The following NRG3 variants were observed in gnomAD, a reference collection of about 807,000 sequenced individuals.
NRG3 encodes neuregulin 3.
NRG3 carries 31 observed loss-of-function variants against 66.9 expected under a neutral mutation model. That is an observed-to-expected ratio of 0.46 (90% CI 0.35 to 0.63). NRG3 has a LOEUF of 0.63. Ranked by LOEUF, NRG3 falls within the 20% of genes least tolerant of loss-of-function variation. The pLI, the probability that NRG3 is intolerant of heterozygous loss-of-function variation, is 0.00. For missense variants in NRG3, 910 were observed against 878.9 expected (o/e 1.04, Z -0.45); for synonymous variants, 393 against 359.4 (o/e 1.09, Z -1.06).
At position 82,985,119 on chromosome 10, in the gene NRG3, A is replaced by G. The variant is rs1372851113; in HGVS notation, c.1605A>G (p.Lys535=). The change falls in exon 9 of 9, where the codon AAA becomes AAG. Residue 535 remains lysine, a synonymous_variant. Coordinates refer to ENST00000372141, the MANE Select transcript of NRG3 (RefSeq NM_001010848.4). ...PCQGYSSSGL[K]TQRNTSINMQ... ...TCAGGTATTCATCCAGTGGTTTAAA[A>G]ACCCAACGAAATACATCAATAAATA... 1 of 1,613,712 alleles carries G rather than the reference A, an allele frequency of 6.2e-7. No individual in the cohort carries two copies. Among genetic ancestry groups the G allele is most frequent in the Non-Finnish European group, 8.5e-7 (1 of 1,179,870 alleles).
At position 82,244,680 on chromosome 10, in the gene NRG3, G is replaced by C. The variant is rs529933300; in HGVS notation, c.824-114059G>C. On this transcript the variant is annotated intron_variant, in intron 1 of 8. Transcript: ENST00000372141. ...GGGTAACAATTTTTTCACAGGCCAG[G>C]GGGTACTGAGAGCGGGGGATGGTTT... 1.1e-3 allele frequency among the ~76,000 whole-genome samples: 160 copies of C among 151,990 alleles called. 2 individuals carry two copies. The highest frequency in any genetic ancestry group is 3.8e-3 in the African/African-American group (157 of 41,456).
intron 1 of NRG3, among the ~76,000 whole-genome samples, chr10:82,272,005 T>A (rs1457662387): frequency 6.6e-6 from 1 of 152,092 alleles, no homozygotes; most frequent in Non-Finnish European, 1.5e-5. Context: ...AACCTACTAT[T>A]CTACTGGAGA....
At chr10:82,650,286 G>A (rs957905051) in intron 2 of NRG3, among the ~76,000 whole-genome samples, 25 of 152,032 alleles carry the variant, frequency 1.6e-4, no homozygotes, top group Admixed American at 1.6e-3. Flanking sequence ...ATTTTCCTAG[G>A]CTGCTATTCA....
At chr10:82,300,326 T>C (rs929001794) in intron 1 of NRG3, among the ~76,000 whole-genome samples, 10 of 152,294 alleles carry the variant, frequency 6.6e-5, no homozygotes, top group Non-Finnish European at 1.2e-4. Context: ...GCTAAAGTGA[T>C]TAATAGATGA....
intron 2 of NRG3, among the ~76,000 whole-genome samples, chr10:82,431,665 G>T (rs577415296): frequency 6.6e-6 from 1 of 151,956 alleles, no homozygotes; most frequent in African/African-American, 2.4e-5. Context: ...TATAAAAGGG[G>T]TTAATTTTTG....
chr10:82,102,213 A>T (rs2132128439), intron 1 of NRG3, among the ~76,000 whole-genome samples: 1 of 144,178 alleles, frequency 6.9e-6, no homozygotes, highest in African/African-American at 2.6e-5. Flanking sequence ...TTCATCAAGT[A>T]ATGGTCCTCA....
intron 4 of NRG3, among the ~76,000 whole-genome samples, chr10:82,892,311 G>C (rs1468722090): frequency 2.0e-5 from 3 of 151,998 alleles, no homozygotes; most frequent in Non-Finnish European, 4.4e-5. Context: ...AGAAATGAAA[G>C]AGGCAAGAGG....
chr10:82,521,852 A>G lies in NRG3; in HGVS notation c.953+162984A>G, dbSNP rs570676603. ...TCCTAAATTCTTTGTTGTCACTTCAACAATGGTCACAGAGTCTTCACCAGA... is the reference window on the plus strand; with the variant it reads ...TCCTAAATTCTTTGTTGTCACTTCAGCAATGGTCACAGAGTCTTCACCAGA... On this transcript the variant is annotated intron_variant, in intron 2 of 8. Coordinates refer to ENST00000372141, the MANE Select transcript of NRG3 (RefSeq NM_001010848.4). Among the ~76,000 whole-genome samples, 5 of 152,112 alleles carry G rather than the reference A, an allele frequency of 3.3e-5. No homozygotes were observed. In the East Asian group the frequency reaches 9.7e-4, roughly 30 times the overall value.
At chr10:82,408,487 G>A (rs2087794601) in intron 2 of NRG3, among the ~76,000 whole-genome samples, 1 of 151,968 alleles carries the variant, frequency 6.6e-6, no homozygotes, top group Non-Finnish European at 1.5e-5. Context: ...TTTAGCACAA[G>A]AAGTATCTTT....
intron 6 of NRG3, among the ~76,000 whole-genome samples, chr10:82,964,236 A>G (rs1344203289): frequency 1.3e-5 from 2 of 152,216 alleles, no homozygotes; most frequent in African/African-American, 2.4e-5. Flanking sequence ...GCGAGTGATC[A>G]ATATAAATCA....
At chr10:82,442,676 C>G (rs113098186) in intron 2 of NRG3, among the ~76,000 whole-genome samples, 271 of 151,140 alleles carry the variant, frequency 1.8e-3, no homozygotes, top group African/African-American at 6.1e-3. Flanking sequence ...GAAAAATAGT[C>G]AGAGTCTACA....
intron 1 of NRG3, among the ~76,000 whole-genome samples, chr10:82,058,008 A>T (rs945777901): frequency 2.0e-5 from 3 of 151,494 alleles, no homozygotes; most frequent in African/African-American, 7.3e-5. Flanking sequence ...CCTTCTAAAG[A>T]ATTCCCTTAC....
At chr10:82,838,240 A>G (rs1371569849) in intron 3 of NRG3, among the ~76,000 whole-genome samples, 1 of 152,178 alleles carries the variant, frequency 6.6e-6, no homozygotes, top group Non-Finnish European at 1.5e-5. Flanking sequence ...ACAGATTATA[A>G]GTCAACTCTG....
chr10:82,247,263 A>T (rs1251949685), intron 1 of NRG3, among the ~76,000 whole-genome samples: 1 of 152,214 alleles, frequency 6.6e-6, no homozygotes, highest in Non-Finnish European at 1.5e-5. Context: ...TGGGTAGCTC[A>T]TAACAAATAA....
At chr10:82,340,530 G>C (rs2082632370) in intron 1 of NRG3, among the ~76,000 whole-genome samples, 1 of 152,146 alleles carries the variant, frequency 6.6e-6, no homozygotes, top group African/African-American at 2.4e-5. Context: ...CTATTAAGGG[G>C]AAAAATAAGA....
chr10:82,231,479 G>GA (rs561898395), intron 1 of NRG3, among the ~76,000 whole-genome samples: 225 of 146,364 alleles, frequency 1.5e-3, no homozygotes, highest in African/African-American at 4.2e-3. Context: ...GTGAAATATT[G>GA]AAAAAAAAAA....
intron 1 of NRG3, among the ~76,000 whole-genome samples, chr10:81,921,223 T>C (rs1420961188): frequency 1.3e-5 from 2 of 152,054 alleles, no homozygotes; most frequent in African/African-American, 4.8e-5. Context: ...TTCCATCATA[T>C]TGTCATGCTA....
At chr10:82,877,591 G>A (rs1222131767) in intron 4 of NRG3, among the ~76,000 whole-genome samples, 1 of 116,422 alleles carries the variant, frequency 8.6e-6, no homozygotes, top group East Asian at 2.7e-4. Context: ...GTTTCACCAT[G>A]TTGGCCAGGC....
intron 2 of NRG3, among the ~76,000 whole-genome samples, chr10:82,499,786 A>G (rs893951291): frequency 2.0e-5 from 3 of 152,200 alleles, no homozygotes; most frequent in African/African-American, 7.2e-5. Flanking sequence ...TTATGATTAT[A>G]TACAGGGCAA....
Sources: allele counts gnomAD v4.1 joint callset (sites outside exome capture counted in the v4.1 genomes callset), GRCh38; gene constraint gnomAD v4.1.1; transcripts MANE v1.5; gene names NCBI Gene and HGNC (gene_info 2026-07-23, HGNC 2026-07-21).